KCNN3: variants seen among roughly 807,000 people sequenced by gnomAD.
KCNN3 encodes potassium calcium-activated channel subfamily N member 3.
KCNN3 carries 16 observed loss-of-function variants against 62.9 expected under a neutral mutation model. The ratio of observed to expected loss-of-function variants is 0.25; its 90% CI spans 0.17 to 0.39. KCNN3 has a LOEUF of 0.39. KCNN3 is among the 10% of genes least tolerant of loss of function. The probability of loss-of-function intolerance (pLI) is 1.00; values close to 1 mark genes in which losing one functional copy is unlikely to be tolerated. For synonymous variants in KCNN3, 370 were observed against 389.2 expected, an observed-to-expected ratio of 0.95 and a Z score of 0.58; for missense variants, 599 against 949.4, an observed-to-expected ratio of 0.63 and a Z score of 4.85.
intron 3 of KCNN3, among the ~76,000 whole-genome samples, chr1:154,751,865 G>C (rs2101814558): frequency 6.6e-6 from 1 of 152,336 alleles, no homozygotes; most frequent in South Asian, 2.1e-4. Flanking sequence ...CTGGAAACTG[G>C]CAGATGAGAG....
At chr1:154,819,324 G>T (rs1236530715) in intron 2 of KCNN3, among the ~76,000 whole-genome samples, 1 of 152,176 alleles carries the variant, frequency 6.6e-6, no homozygotes, top group Non-Finnish European at 1.5e-5. Flanking sequence ...GGTACGACCA[G>T]CTTTGGAAAA....
At chr1:154,815,922 C>T (rs1186927182) in intron 2 of KCNN3, among the ~76,000 whole-genome samples, 1 of 152,208 alleles carries the variant, frequency 6.6e-6, no homozygotes, top group African/African-American at 2.4e-5. Flanking sequence ...CCAGCAACAC[C>T]TCCTGCATTA....
intron 2 of KCNN3, among the ~76,000 whole-genome samples, chr1:154,774,220 G>C (rs558303080): frequency 6.6e-6 from 1 of 152,208 alleles, no homozygotes; most frequent in Admixed American, 6.5e-5. Context: ...CGGTCTTTCT[G>C]TAAAATGACA....
At chr1:154,833,907 CATAA>C (rs1218923970) in intron 1 of KCNN3, among the ~76,000 whole-genome samples, 1 of 152,186 alleles carries the variant, frequency 6.6e-6, no homozygotes, top group Non-Finnish European at 1.5e-5. Flanking sequence ...AAAGCTTAAA[CATAA>C]ATAAAGGGAA....
chr1:154,848,883 A>G (rs948954425), intron 1 of KCNN3, among the ~76,000 whole-genome samples: 9 of 152,180 alleles, frequency 5.9e-5, no homozygotes, highest in African/African-American at 2.2e-4. Flanking sequence ...GGCAGCCCGA[A>G]CACCCCCTCA....
At chr1:154,763,732 T>C (rs910949186) in intron 3 of KCNN3, among the ~76,000 whole-genome samples, 7 of 152,234 alleles carry the variant, frequency 4.6e-5, no homozygotes, top group African/African-American at 1.7e-4. Flanking sequence ...AGGCTTGTGG[T>C]CAGAGAATAC....
chr1:154,830,395 A>G (rs1435423913), intron 1 of KCNN3, among the ~76,000 whole-genome samples: 1 of 152,184 alleles, frequency 6.6e-6, no homozygotes, highest in African/African-American at 2.4e-5. Flanking sequence ...ACAGGATGGC[A>G]ATTGCCAGAA....
intron 1 of KCNN3, chr1:154,867,904 C>T (rs915064621): frequency 1.1e-5 from 11 of 972,090 alleles, no homozygotes; most frequent in Non-Finnish European, 1.2e-5. Context: ...TTCCAGCCCA[C>T]AGCAGGAGAG....
intron 3 of KCNN3, among the ~76,000 whole-genome samples, chr1:154,735,749 A>G (rs1474663517): frequency 6.6e-6 from 1 of 152,196 alleles, no homozygotes; most frequent in Non-Finnish European, 1.5e-5. Context: ...CCCTCAGGTC[A>G]ATGCAACCCC....
intron 3 of KCNN3, among the ~76,000 whole-genome samples, chr1:154,769,798 T>C (rs1648466868): frequency 6.6e-6 from 1 of 152,204 alleles, no homozygotes; most frequent in Non-Finnish European, 1.5e-5. Flanking sequence ...TATAGGCCCA[T>C]GTATGGTACA....
At chr1:154,845,713 C>T (rs1302485714) in intron 1 of KCNN3, among the ~76,000 whole-genome samples, 1 of 152,168 alleles carries the variant, frequency 6.6e-6, no homozygotes, top group Non-Finnish European at 1.5e-5. Context: ...TCCCTAGGGC[C>T]GTGCCCCAGC....
intron 3 of KCNN3, among the ~76,000 whole-genome samples, chr1:154,735,053 G>A (rs1303915281): frequency 6.6e-6 from 1 of 152,222 alleles, no homozygotes; most frequent in Non-Finnish European, 1.5e-5. Context: ...GAAGAAGCTT[G>A]GATCTTGTCT....
rs1699769901 is a variant in KCNN3, at chr1:154,697,772, CAGT to C, written c.*10201_*10203del. On this transcript the variant is annotated 3_prime_UTR_variant, in exon 8 of 8. Coordinates refer to ENST00000271915, the MANE Select transcript of KCNN3 (RefSeq NM_002249.6). Reference sequence around the variant, plus strand: ...ATCTTACAAATCCAATGGTGGCCAGCAGTAGAACTGAAGCCTGTAAGTTTTCAT... The same window carrying C: ...ATCTTACAAATCCAATGGTGGCCAGCAGAACTGAAGCCTGTAAGTTTTCAT... The C allele has an allele frequency of 1.3e-5, 2 of 152,206 alleles. No individual in the cohort carries two copies. The highest frequency in any genetic ancestry group is 6.5e-5 in the Admixed American group (1 of 15,274). 9.4% of individuals were successfully genotyped at this position (152,206 alleles called of 1,614,324 possible). A position where few individuals can be genotyped will look rare whatever the true frequency, so the allele number is the denominator to read the frequency against.
At position 154,697,743 on chromosome 1, in the gene KCNN3, C is replaced by G. The variant is rs1699768940; in HGVS notation, c.*10233G>C. 6.6e-6 allele frequency: 1 copy of G among 152,228 alleles called. No homozygotes were observed. The highest frequency in any genetic ancestry group is 2.4e-5 in the African/African-American group (1 of 41,454). 9.4% of individuals were successfully genotyped at this position (152,228 alleles called of 1,614,324 possible). On this transcript the variant is annotated 3_prime_UTR_variant, in exon 8 of 8. Transcript: ENST00000271915. ...TGGACACATGTGGTCAATACACATC[C>G]TGGATCTTACAAATCCAATGGTGGC... is the stretch of plus-strand genomic sequence containing the variant.
chr1:154,845,122 T>C (rs1037434644), intron 1 of KCNN3, among the ~76,000 whole-genome samples: 2 of 152,156 alleles, frequency 1.3e-5, no homozygotes, highest in Non-Finnish European at 2.9e-5. Context: ...CACTCTTCCA[T>C]TTCCCCTGCC....
chr1:154,754,699 A>T lies in KCNN3; in HGVS notation c.1448+17276T>A, dbSNP rs202034214. On this transcript the variant is annotated intron_variant, in intron 3 of 7. Coordinates refer to ENST00000271915, the MANE Select transcript of KCNN3 (RefSeq NM_002249.6). ...ACCAACGATGGCAGGGCAACAAGGG[A>T]GAAGGAGCCTGCGTCCCTGATGATG... Among the ~76,000 whole-genome samples, 12 of 152,344 alleles carry T rather than the reference A, an allele frequency of 7.9e-5. No individual in the cohort carries two copies. The East Asian group carries it at 2.3e-3, about 29-fold the overall frequency.
chr1:154,869,123 T>C lies in KCNN3; in HGVS notation c.842A>G (p.Lys281Arg), dbSNP rs374076091. ...AATCAGAGCATAGTCACTCAGTCGC[T>C]TTCTCTTTTCAAACAGGGCCCTCCT... is the stretch of plus-strand genomic sequence containing the variant. ...GHRRALFEKR[K>R]RLSDYALIFG... The change falls in exon 1 of 8, where the codon AAG (lysine) becomes AGG (arginine). Residue 281 changes from lysine to arginine, a missense_variant. Lys to Arg is a conservative substitution (Grantham distance 26). Coordinates refer to ENST00000271915, the MANE Select transcript of KCNN3 (RefSeq NM_002249.6). This position sits in a 1 kb window ranked among gnomAD's most constrained non-coding sequence, Gnocchi z 6.1. The C allele has an allele frequency of 1.2e-5, 19 of 1,614,074 alleles. No individual in the cohort carries two copies. The highest frequency in any genetic ancestry group is 1.5e-5 in the Non-Finnish European group (18 of 1,179,976).
intron 1 of KCNN3, among the ~76,000 whole-genome samples, chr1:154,837,263 G>A (rs960594939): frequency 1.3e-5 from 2 of 152,008 alleles, no homozygotes; most frequent in South Asian, 2.1e-4. Context: ...CACCATGCCC[G>A]GCTAGTTTTT....
At chr1:154,787,609 T>C (rs1649338803) in intron 2 of KCNN3, among the ~76,000 whole-genome samples, 1 of 152,164 alleles carries the variant, frequency 6.6e-6, no homozygotes, top group South Asian at 2.1e-4. Context: ...TGTGCTGCTG[T>C]GTGTTCAATG....
Sources: allele counts gnomAD v4.1 joint callset (sites outside exome capture counted in the v4.1 genomes callset), GRCh38; gene constraint gnomAD v4.1.1; non-coding constraint Gnocchi (gnomAD v3.1); transcripts MANE v1.5; gene names NCBI Gene and HGNC (gene_info 2026-07-23, HGNC 2026-07-21).